CECR2: variants seen among roughly 807,000 people sequenced by gnomAD.
CECR2 encodes CECR2 histone acetyl-lysine reader.
CECR2 carries 30 observed loss-of-function variants against 154.5 expected under a neutral mutation model. That is an observed-to-expected ratio of 0.19 (90% CI 0.15 to 0.26). The LOEUF is 0.26. Among genes scored for constraint, CECR2 ranks in the 10% least tolerant of loss-of-function variants. The pLI, the probability that CECR2 is intolerant of heterozygous loss-of-function variation, is 1.00. For synonymous variants in CECR2, 725 were observed against 683.7 expected (o/e 1.06, Z -0.94); for missense variants, 1,743 against 1,829.3 (o/e 0.95, Z 0.86).
chr22:17,376,358 G>A (rs556305151), intron 1 of CECR2, among the ~76,000 whole-genome samples: 10 of 142,908 alleles, frequency 7.0e-5, no homozygotes, highest in African/African-American at 2.7e-4. Flanking sequence ...CTTTGCAACG[G>A]AAGTTAAGTT....
chr22:17,517,466 T>G (rs1044742383), intron 8 of CECR2, among the ~76,000 whole-genome samples: 2 of 152,190 alleles, frequency 1.3e-5, no homozygotes, highest in Non-Finnish European at 2.9e-5. Context: ...ATACCACAGG[T>G]TAAGTTATAT....
At chr22:17,528,985 A>G (rs993238095) in intron 9 of CECR2, among the ~76,000 whole-genome samples, 3 of 152,062 alleles carry the variant, frequency 2.0e-5, no homozygotes, top group South Asian at 4.1e-4. Context: ...GGTCCCAGCT[A>G]CTTGGGAGGC....
At chr22:17,487,370 A>G (rs2055439587) in intron 2 of CECR2, among the ~76,000 whole-genome samples, 1 of 152,208 alleles carries the variant, frequency 6.6e-6, no homozygotes, top group Admixed American at 6.6e-5. Flanking sequence ...GATTGAATCA[A>G]ACTGTGTTTT....
intron 8 of CECR2, among the ~76,000 whole-genome samples, chr22:17,520,365 T>G (rs1343393962): frequency 2.0e-5 from 3 of 152,204 alleles, no homozygotes; most frequent in African/African-American, 4.8e-5. Flanking sequence ...ACAATTCTCT[T>G]TCAATGAAAT....
intron 1 of CECR2, among the ~76,000 whole-genome samples, chr22:17,389,882 C>T (rs1413322153): frequency 3.3e-5 from 5 of 152,120 alleles, no homozygotes; most frequent in Non-Finnish European, 7.4e-5. Flanking sequence ...CCCACCTCGG[C>T]GTCCCAAAAT....
At chr22:17,391,992 G>T (rs1359490777) in intron 1 of CECR2, among the ~76,000 whole-genome samples, 1 of 152,144 alleles carries the variant, frequency 6.6e-6, no homozygotes, top group Admixed American at 6.5e-5. Context: ...AGTAGAGACG[G>T]GGTTTCACCA....
intron 1 of CECR2, among the ~76,000 whole-genome samples, chr22:17,471,755 G>A (rs959456087): frequency 6.6e-5 from 10 of 152,032 alleles, no homozygotes; most frequent in African/African-American, 2.2e-4. Context: ...GGTGGGTCTC[G>A]AACTCCTGAC....
chr22:17,363,903 G>C (rs2062988690), intron 1 of CECR2, among the ~76,000 whole-genome samples: 2 of 152,020 alleles, frequency 1.3e-5, no homozygotes, highest in African/African-American at 4.8e-5. Context: ...TCAAAGTGTT[G>C]GGATTACAGG....
At chr22:17,373,219 C>T (rs983018248) in intron 1 of CECR2, among the ~76,000 whole-genome samples, 2 of 152,108 alleles carry the variant, frequency 1.3e-5, no homozygotes, top group Non-Finnish European at 2.9e-5. Context: ...TGTACCAGCA[C>T]ACCCGGCTAA....
In CECR2 at chr22:17,549,711, C is replaced by T. The variant is rs1486481715; in HGVS notation, c.4277+147C>T. On this transcript the variant is annotated intron_variant, in intron 17 of 18. Coordinates refer to ENST00000262608, the MANE Select transcript of CECR2 (RefSeq NM_001290047.2). ...CACGGCGGCATCGACCTCCCAGGCT[C>T]AAGGATCCTCCTGCATCAGCTGTTT... is the stretch of plus-strand genomic sequence containing the variant. The T allele has an allele frequency of 1.3e-5, 8 of 621,854 alleles. No individual in the cohort carries two copies. The East Asian group carries it at 1.8e-4, about 14-fold the overall frequency. The allele number at this position is 621,854 out of a possible 1,614,324, so 38.5% of individuals were successfully genotyped here. A position where few individuals can be genotyped will look rare whatever the true frequency, so the allele number is the denominator to read the frequency against.
At chr22:17,368,381 G>A (rs1391524668), upstream of CECR2, among the ~76,000 whole-genome samples, 2 of 152,146 alleles carry the variant, frequency 1.3e-5, no homozygotes, top group Non-Finnish European at 2.9e-5. Flanking sequence ...CTGAAAGGTG[G>A]ACCACCGAAC....
intron 1 of CECR2, among the ~76,000 whole-genome samples, chr22:17,425,254 T>A (rs1277780079): frequency 6.6e-6 from 1 of 152,100 alleles, no homozygotes; most frequent in Non-Finnish European, 1.5e-5. Flanking sequence ...GAAGAGGATC[T>A]TAATCTCATG....
At chr22:17,535,811 A>T (rs1324183499) in intron 9 of CECR2, among the ~76,000 whole-genome samples, 2 of 152,144 alleles carry the variant, frequency 1.3e-5, no homozygotes, top group African/African-American at 2.4e-5. Context: ...ATTAAAGGAG[A>T]TATAGATTAG....
intron 1 of CECR2, among the ~76,000 whole-genome samples, chr22:17,382,702 T>G (rs1328053026): frequency 6.7e-6 from 1 of 149,632 alleles, no homozygotes; most frequent in Non-Finnish European, 1.5e-5. Context: ...CCCAGGAGTT[T>G]GAGACCAGCC....
At chr22:17,410,592 C>T (rs944510614) in intron 1 of CECR2, among the ~76,000 whole-genome samples, 4 of 152,006 alleles carry the variant, frequency 2.6e-5, no homozygotes, top group Admixed American at 6.6e-5. Context: ...GGACTACAGG[C>T]GCACGCCACC....
chr22:17,414,600 T>C (rs1385859734), intron 1 of CECR2, among the ~76,000 whole-genome samples: 1 of 152,096 alleles, frequency 6.6e-6, no homozygotes, highest in Non-Finnish European at 1.5e-5. Context: ...TGTGCCATGT[T>C]GGTGTGCTGC....
intron 1 of CECR2, among the ~76,000 whole-genome samples, chr22:17,406,503 G>A (rs1001086169): frequency 2.6e-5 from 4 of 152,104 alleles, no homozygotes; most frequent in Admixed American, 2.6e-4. Context: ...ACCCTGGGGG[G>A]TGACAGAACA....
chr22:17,486,270 A>G (rs1276093049), intron 2 of CECR2, among the ~76,000 whole-genome samples: 1 of 152,278 alleles, frequency 6.6e-6, no homozygotes, highest in Non-Finnish European at 1.5e-5. Context: ...CAAAACTGGT[A>G]TAAGCCTGAG....
intron 1 of CECR2, among the ~76,000 whole-genome samples, chr22:17,376,177 T>C (rs1272607447): frequency 6.6e-6 from 1 of 152,074 alleles, no homozygotes; most frequent in Non-Finnish European, 1.5e-5. Flanking sequence ...GAATACCAGG[T>C]CCCCTTTCTA....
Sources: allele counts gnomAD v4.1 joint callset (sites outside exome capture counted in the v4.1 genomes callset), GRCh38; gene constraint gnomAD v4.1.1; transcripts MANE v1.5; gene names NCBI Gene and HGNC (gene_info 2026-07-23, HGNC 2026-07-21).